GRIA3: variants seen among roughly 807,000 people sequenced by gnomAD.
The protein encoded by GRIA3 is glutamate ionotropic receptor AMPA type subunit 3.
In GRIA3, 3 loss-of-function variants were observed where a neutral mutation model predicts 63.0. The observed-to-expected ratio is 0.05, with a 90% CI of 0.02 to 0.12. The LOEUF (loss-of-function observed/expected upper bound fraction) is 0.12, where lower values mean the gene tolerates loss of function less well. GRIA3 is among the 10% of genes least tolerant of loss of function. The pLI is 1.00. For missense variants in GRIA3, 347 were observed against 700.9 expected (o/e 0.50, Z 5.70); for synonymous variants, 274 against 257.9 (o/e 1.06, Z -0.60).
intron 11 of GRIA3, 132 bp from the exon 12 acceptor site, chrX:123,427,809 C>T (rs1603149087): frequency 3.8e-6 from 2 of 527,456 alleles, no homozygotes; most frequent in Non-Finnish European, 6.7e-6. Flanking sequence ...GTTTTAATTC[C>T]CTCACATCAT....
intron 3 of GRIA3, among the ~76,000 whole-genome samples, chrX:123,277,568 C>G (rs1403267051): frequency 9.0e-6 from 1 of 111,516 alleles, no homozygotes; most frequent in Non-Finnish European, 1.9e-5. Context: ...CTGGCTCAAA[C>G]TCGCCTCTCT....
chrX:123,490,461 G>A lies in GRIA3; in HGVS notation c.*1751G>A, dbSNP rs1471967434. On this transcript the variant is annotated 3_prime_UTR_variant, in exon 16 of 16. Coordinates refer to ENST00000620443, the MANE Select transcript of GRIA3 (RefSeq NM_007325.5). Reference sequence around the variant, plus strand: ...CTTATGAATGCTATAATGTCCCAGCGCGGGAAGCTCACGCTGTGTGAACAT... The same window carrying A: ...CTTATGAATGCTATAATGTCCCAGCACGGGAAGCTCACGCTGTGTGAACAT... 2 of 112,202 alleles carry A rather than the reference G, an allele frequency of 1.8e-5. No homozygotes were observed. The highest frequency in any genetic ancestry group is 3.7e-4 in the South Asian group (1 of 2,689). The allele number at this position is 112,202 out of a possible 1,213,427, so 9.2% of individuals were successfully genotyped here.
chrX:123,335,649 C>T (rs1241505027), intron 4 of GRIA3, among the ~76,000 whole-genome samples: 1 of 111,241 alleles, frequency 9.0e-6, no homozygotes, highest in African/African-American at 3.3e-5. Flanking sequence ...AACAATAAAA[C>T]TGATGCAAAT....
At chrX:123,414,078 G>A (rs2045522479) in intron 10 of GRIA3, among the ~76,000 whole-genome samples, 1 of 111,712 alleles carries the variant, frequency 9.0e-6, no homozygotes, top group East Asian at 2.8e-4. Flanking sequence ...AATTTGGAGG[G>A]GCTGGAAATT....
chrX:123,422,543 C>A (rs911194417), intron 11 of GRIA3, among the ~76,000 whole-genome samples: 3 of 111,695 alleles, frequency 2.7e-5, no homozygotes, highest in African/African-American at 9.8e-5. Flanking sequence ...TGGGTACAGG[C>A]AGATGGAAGA....
At chrX:123,318,800 T>G (rs1392499684) in intron 3 of GRIA3, among the ~76,000 whole-genome samples, 2 of 112,081 alleles carry the variant, frequency 1.8e-5, no homozygotes, top group Admixed American at 1.9e-4. Context: ...TCCACATTTT[T>G]GGGTATCTTT....
At chrX:123,215,180 G>A (rs1446728076) in intron 2 of GRIA3, among the ~76,000 whole-genome samples, 1 of 112,009 alleles carries the variant, frequency 8.9e-6, no homozygotes, top group Non-Finnish European at 1.9e-5. Flanking sequence ...ACAATGCACA[G>A]AACAAGTCCC....
At chrX:123,196,065 G>A (rs763280445) in intron 2 of GRIA3, among the ~76,000 whole-genome samples, 10 of 111,043 alleles carry the variant, frequency 9.0e-5, no homozygotes, top group South Asian at 3.9e-4. Flanking sequence ...CACCATTGGT[G>A]GGGGGAGGCT....
chrX:123,422,345 T>C (rs2045567784), intron 11 of GRIA3, among the ~76,000 whole-genome samples: 1 of 112,448 alleles, frequency 8.9e-6, no homozygotes, highest in South Asian at 3.7e-4. Context: ...ACTACCATAA[T>C]TGTTCAGAGT....
At chrX:123,318,308 T>G (rs930334329) in intron 3 of GRIA3, among the ~76,000 whole-genome samples, 3 of 112,378 alleles carry the variant, frequency 2.7e-5, no homozygotes, top group African/African-American at 9.7e-5. Context: ...CTCCTTGCTA[T>G]TTATGCAAAT....
At chrX:123,377,323 G>C (rs2045293072) in intron 5 of GRIA3, among the ~76,000 whole-genome samples, 1 of 111,968 alleles carries the variant, frequency 8.9e-6, no homozygotes, top group Non-Finnish European at 1.9e-5. Flanking sequence ...AGAGGCCGAA[G>C]TCTCTTTTGT....
chrX:123,400,662 C>A (rs2045439232), intron 7 of GRIA3, among the ~76,000 whole-genome samples: 3 of 111,799 alleles, frequency 2.7e-5, no homozygotes, highest in Non-Finnish European at 5.7e-5. Context: ...TCCTAAGGGG[C>A]CTGTTTTAAT....
intron 3 of GRIA3, among the ~76,000 whole-genome samples, chrX:123,307,466 T>G (rs2044762202): frequency 1.8e-5 from 2 of 111,917 alleles, no homozygotes; most frequent in African/African-American, 6.5e-5. Context: ...ATGTATTCTT[T>G]GGGAACAATC....
At chrX:123,339,897 C>T (rs1409034987) in intron 4 of GRIA3, among the ~76,000 whole-genome samples, 2 of 112,301 alleles carry the variant, frequency 1.8e-5, no homozygotes, top group Non-Finnish European at 3.8e-5. Context: ...AGACATTTTC[C>T]GTCTGCCAGT....
intron 5 of GRIA3, among the ~76,000 whole-genome samples, chrX:123,366,563 C>G (rs930606227): frequency 8.9e-6 from 1 of 111,787 alleles, no homozygotes; most frequent in South Asian, 3.7e-4. Context: ...TTTAAGAGAA[C>G]ATTGAGTAAG....
intron 2 of GRIA3, among the ~76,000 whole-genome samples, chrX:123,234,432 A>G (rs1361536826): frequency 8.9e-6 from 1 of 112,099 alleles, no homozygotes; most frequent in African/African-American, 3.2e-5. Flanking sequence ...TGACTCTGGA[A>G]TACTGATGGT....
At chrX:123,269,456 A>G (rs1323557730) in intron 3 of GRIA3, among the ~76,000 whole-genome samples, 1 of 112,040 alleles carries the variant, frequency 8.9e-6, no homozygotes, top group Non-Finnish European at 1.9e-5. Context: ...GAAGATCTTT[A>G]GCTGCCCTAG....
At chrX:123,394,845 G>C in intron 5 of GRIA3, 123 bp from the exon 6 acceptor site, 1 of 533,192 alleles carries the variant, frequency 1.9e-6, no homozygotes, top group Non-Finnish European at 3.4e-6. Context: ...ATTCAAGGCT[G>C]TCTTGATTGC....
intron 10 of GRIA3, among the ~76,000 whole-genome samples, chrX:123,413,174 A>C (rs940171530): frequency 9.0e-6 from 1 of 111,168 alleles, no homozygotes; most frequent in Non-Finnish European, 1.9e-5. Flanking sequence ...ATTACCAAGT[A>C]GGGTTTTTTT....
Sources: allele counts gnomAD v4.1 joint callset (sites outside exome capture counted in the v4.1 genomes callset), GRCh38; gene constraint gnomAD v4.1.1; transcripts MANE v1.5; gene names NCBI Gene and HGNC (gene_info 2026-07-23, HGNC 2026-07-21).